The following MEMO1 variants were observed in gnomAD, a reference collection of about 807,000 sequenced individuals.
The protein encoded by MEMO1 is protein MEMO1.
In MEMO1, 6 loss-of-function variants were observed where a neutral mutation model predicts 45.2. The observed-to-expected ratio is 0.13, with a 90% CI of 0.07 to 0.26. The LOEUF (loss-of-function observed/expected upper bound fraction) is 0.26. Among genes scored for constraint, MEMO1 ranks in the 10% least tolerant of loss-of-function variants. MEMO1 has a pLI of 1.00. For synonymous variants in MEMO1, 78 were observed against 124.3 expected (o/e 0.63, Z 2.48); for missense variants, 184 against 370.5 (o/e 0.50, Z 4.13).
chr2:31,928,581 A>G (rs534392163), intron 4 of MEMO1, among the ~76,000 whole-genome samples: 67 of 151,552 alleles, frequency 4.4e-4, no homozygotes, highest in African/African-American at 1.6e-3. Context: ...AAAAAGAAAA[A>G]TCTTATTAGA....
intron 6 of MEMO1, chr2:31,893,262 C>A: frequency 9.7e-7 from 1 of 1,029,646 alleles, no homozygotes; most frequent in Non-Finnish European, 1.3e-6. Context: ...GCGAAATAAA[C>A]AGATCATACA....
At chr2:31,936,435 CCTT>C (rs1664931571) in intron 3 of MEMO1, among the ~76,000 whole-genome samples, 1 of 152,272 alleles carries the variant, frequency 6.6e-6, no homozygotes, top group South Asian at 2.1e-4. Flanking sequence ...AAAAATTGAT[CCTT>C]CTTTTAACAG....
chr2:31,906,163 G>A (rs555351993), intron 6 of MEMO1, among the ~76,000 whole-genome samples: 10 of 151,800 alleles, frequency 6.6e-5, no homozygotes, highest in Admixed American at 6.6e-4. Flanking sequence ...GTAGAGATGG[G>A]GTTTTACTAT....
intron 2 of MEMO1, among the ~76,000 whole-genome samples, chr2:31,978,709 C>T (rs907120533): frequency 2.0e-5 from 3 of 152,204 alleles, no homozygotes; most frequent in African/African-American, 7.2e-5. Flanking sequence ...CTTAAGCCAC[C>T]GTGCCTGGCC....
intron 8 of MEMO1, among the ~76,000 whole-genome samples, chr2:31,871,276 T>C (rs1673687876): frequency 6.6e-6 from 1 of 152,200 alleles, no homozygotes; most frequent in Non-Finnish European, 1.5e-5. Flanking sequence ...TTCTGTGTTT[T>C]TGTTTTTGTT....
intron 3 of MEMO1, among the ~76,000 whole-genome samples, chr2:31,936,720 G>GGTATAAACT: frequency 6.6e-6 from 1 of 152,184 alleles, no homozygotes; most frequent in Non-Finnish European, 1.5e-5. Flanking sequence ...AGACCTTCAG[G>GGTATAAACT]GTCACAGGTG....
At chr2:31,898,309 G>A (rs1678197100) in intron 6 of MEMO1, among the ~76,000 whole-genome samples, 2 of 152,000 alleles carry the variant, frequency 1.3e-5, no homozygotes, top group Admixed American at 6.5e-5. Flanking sequence ...TGTGAGGTTA[G>A]GGTGTCGATT....
intron 2 of MEMO1, among the ~76,000 whole-genome samples, chr2:31,986,199 C>G (rs1185027589): frequency 2.0e-5 from 3 of 152,112 alleles, no homozygotes; most frequent in Non-Finnish European, 4.4e-5. Flanking sequence ...TCGAGACCAT[C>G]CTGGCTAACA....
chr2:31,872,944 G>C (rs960896132), intron 8 of MEMO1, among the ~76,000 whole-genome samples: 1 of 152,064 alleles, frequency 6.6e-6, no homozygotes, highest in South Asian at 2.1e-4. Context: ...AACTAATACA[G>C]GATACTGGCA....
chr2:31,968,341 A>C (rs549474436), intron 2 of MEMO1, among the ~76,000 whole-genome samples: 1 of 152,340 alleles, frequency 6.6e-6, no homozygotes, highest in South Asian at 2.1e-4. Context: ...AGGGACCCAA[A>C]GATGTCTACA....
In MEMO1 at chr2:31,894,588, G is replaced by T. The variant is rs1198015701; in HGVS notation, c.438-2454C>A. Reference sequence around the variant, plus strand: ...TGGCTGACTAGGAGGCTGCACGCATGTACAGGGGACTCCCATAAGGTCCTA... The same window carrying T: ...TGGCTGACTAGGAGGCTGCACGCATTTACAGGGGACTCCCATAAGGTCCTA... On this transcript the variant is annotated intron_variant, in intron 6 of 9. Coordinates refer to ENST00000404530, the MANE Select transcript of MEMO1 (RefSeq NM_001301833.4). 2.0e-5 allele frequency among the ~76,000 whole-genome samples: 3 copies of T among 152,126 alleles called. No individual in the cohort carries two copies. In the East Asian group the frequency reaches 5.8e-4, roughly 29 times the overall value.
chr2:31,913,882 T>G (rs1156302800), intron 6 of MEMO1, among the ~76,000 whole-genome samples: 1 of 152,176 alleles, frequency 6.6e-6, no homozygotes, highest in Non-Finnish European at 1.5e-5. Flanking sequence ...ATAGCATCCC[T>G]AGTTCCCTCT....
At chr2:31,995,881 G>A (rs1672535264) in intron 2 of MEMO1, among the ~76,000 whole-genome samples, 1 of 152,010 alleles carries the variant, frequency 6.6e-6, no homozygotes. Context: ...GCGACCTGAA[G>A]AAAAGACACA....
chr2:31,979,810 T>G (rs1328900319), intron 2 of MEMO1, among the ~76,000 whole-genome samples: 1 of 152,150 alleles, frequency 6.6e-6, no homozygotes, highest in Non-Finnish European at 1.5e-5. Context: ...TATTGCTAAC[T>G]TCTAGTGTTG....
Position 31,963,277 on chromosome 2 carries a change from G to A in MEMO1, c.62-19894C>T, listed in dbSNP as rs1274126766. ...CAAATAAATCTCTTTCTATATTGAA[G>A]ATAAACAGATCTACAGATAGGGATA... is the stretch of plus-strand genomic sequence containing the variant. On this transcript the variant is annotated intron_variant, in intron 2 of 9. Transcript: ENST00000404530. 3 of 1,525,948 alleles carry A rather than the reference G, an allele frequency of 2.0e-6. No homozygotes were observed. The East Asian group carries it at 7.4e-5, about 37-fold the overall frequency. The allele number at this position is 1,525,948 out of a possible 1,614,324, so 94.5% of individuals were successfully genotyped here.
At chr2:32,004,306 A>G (rs1673775916) in intron 2 of MEMO1, among the ~76,000 whole-genome samples, 1 of 152,196 alleles carries the variant, frequency 6.6e-6, no homozygotes. Context: ...AAGAACTAGA[A>G]GTCAATATGA....
rs185472793 is a variant in MEMO1, at chr2:31,943,011, G to A, written c.143+291C>T. ...GTAGACTCTTAAAACTTACAGTGCA[G>A]GCCAGGCGTGAGCGAGACCGAGGCA... On this transcript the variant is annotated intron_variant, in intron 3 of 9. Transcript: ENST00000404530. Among the ~76,000 whole-genome samples the A allele has an allele frequency of 4.6e-5, 7 of 152,214 alleles. No homozygotes were observed. In the East Asian group the frequency reaches 1.4e-3, roughly 29 times the overall value.
chr2:31,996,412 G>T (rs989941105), intron 2 of MEMO1, among the ~76,000 whole-genome samples: 2 of 151,974 alleles, frequency 1.3e-5, no homozygotes, highest in African/African-American at 2.4e-5. Context: ...TGGGTGTGGT[G>T]GTGCACACCC....
chr2:31,984,674 C>T (rs1324590194), intron 2 of MEMO1, among the ~76,000 whole-genome samples: 9 of 152,156 alleles, frequency 5.9e-5, no homozygotes, highest in Non-Finnish European at 1.0e-4. Context: ...GGCGTGGTGG[C>T]GGGCACCTGT....
Sources: allele counts gnomAD v4.1 joint callset (sites outside exome capture counted in the v4.1 genomes callset), GRCh38; gene constraint gnomAD v4.1.1; transcripts MANE v1.5; gene names NCBI Gene and HGNC (gene_info 2026-07-23, HGNC 2026-07-21).